The following TRABD2A variants were observed in gnomAD, a reference collection of about 807,000 sequenced individuals.
TRABD2A encodes the protein metalloprotease TIKI1.
Under a neutral mutation model 45.6 loss-of-function variants are expected in TRABD2A, and 43 were observed. The ratio of observed to expected loss-of-function variants is 0.94; its 90% CI spans 0.74 to 1.22. The LOEUF is 1.22. Ranked by LOEUF, TRABD2A falls within the 50% of genes most tolerant of loss-of-function variation. The pLI is 0.00. For missense variants in TRABD2A, 642 were observed against 652.4 expected (o/e 0.98, Z 0.17); for synonymous variants, 269 against 265.0 (o/e 1.02, Z -0.15).
intron 1 of TRABD2A, among the ~76,000 whole-genome samples, chr2:84,872,907 G>T (rs1682909374): frequency 6.6e-6 from 1 of 151,958 alleles, no homozygotes; most frequent in Non-Finnish European, 1.5e-5. Flanking sequence ...CTGAGCTCAG[G>T]AGTTCGCGAT....
At chr2:84,866,001 A>G (rs1409483188) in intron 2 of TRABD2A, among the ~76,000 whole-genome samples, 1 of 152,160 alleles carries the variant, frequency 6.6e-6, no homozygotes, top group African/African-American at 2.4e-5. Context: ...TTCGATACCG[A>G]GGGGCAAGGA....
Position 84,839,263 on chromosome 2 carries a change from CAATCTCCTGAGCAGTGATGCGCTCCTG to C in TRABD2A, c.850_876del (p.Gln284_Ile292del). Reference sequence around the variant, plus strand: ...ATCAGCTCCCGGCGTAAGTAGCTGTCAATCTCCTGAGCAGTGATGCGCTCCTGAGGTGGTAGCGTGGCATTAATAAAA... The same window carrying C: ...ATCAGCTCCCGGCGTAAGTAGCTGTCAGGTGGTAGCGTGGCATTAATAAAA... On this transcript the variant is annotated inframe_deletion, in exon 4 of 7. Coordinates refer to ENST00000409520, the MANE Select transcript of TRABD2A (RefSeq NM_001277053.2). The C allele has an allele frequency of 6.2e-7, 1 of 1,613,864 alleles. No homozygotes were observed. The highest frequency in any genetic ancestry group is 8.5e-7 in the Non-Finnish European group (1 of 1,179,870).
chr2:84,831,270 C>T (rs114517159), intron 5 of TRABD2A, among the ~76,000 whole-genome samples: 3,449 of 152,216 alleles, frequency 0.023, 65 homozygotes, highest in Non-Finnish European at 0.036. Context: ...CCAAGAGAAA[C>T]CAGTCCCGTT....
intron 4 of TRABD2A, chr2:84,836,161 C>T (rs1681500600): frequency 6.6e-6 from 1 of 152,174 alleles, no homozygotes; most frequent in South Asian, 2.1e-4. Flanking sequence ...GATAGAGATT[C>T]TGGAATTATC....
chr2:84,880,949 A>C lies in TRABD2A; in HGVS notation c.91T>G (p.Cys31Gly). The change falls in exon 1 of 7, where the codon TGC becomes GGC. Residue 31 changes from cysteine (C) to glycine (G), a missense_variant. Coordinates refer to ENST00000409520, the MANE Select transcript of TRABD2A (RefSeq NM_001277053.2). ...CGCCTTACTTGGGGCTTGAGCTCGC[A>C]GTTGGCGGTGCCGGGCGCCCCGCGC... ...SRRGAPGTAN[C>G]ELKPQQSELN... 6.3e-7 allele frequency: 1 copy of C among 1,597,078 alleles called. No homozygotes were observed. Among genetic ancestry groups the C allele is most frequent in the Non-Finnish European group, 8.5e-7 (1 of 1,172,662 alleles).
chr2:84,843,262 G>A (rs1681771318), intron 2 of TRABD2A, among the ~76,000 whole-genome samples: 2 of 152,080 alleles, frequency 1.3e-5, no homozygotes, highest in Admixed American at 6.5e-5. Context: ...CTGCAATACA[G>A]ACAGGCTTGG....
chr2:84,838,182 G>C (rs757020383), intron 4 of TRABD2A: 12 of 716,630 alleles, frequency 1.7e-5, no homozygotes, highest in Non-Finnish European at 3.1e-5. Context: ...TAACCATTAG[G>C]CAAACAGTTT....
At chr2:84,827,684 T>C (rs1681190460) in intron 5 of TRABD2A, among the ~76,000 whole-genome samples, 1 of 152,112 alleles carries the variant, frequency 6.6e-6, no homozygotes, top group Non-Finnish European at 1.5e-5. Context: ...TTAAGGACCT[T>C]AAGTTGAGGA....
At position 84,878,874 on chromosome 2, in the gene TRABD2A, C is replaced by A. The variant is rs1238560283; in HGVS notation, c.108+2058G>T. ...AGCATGTGTGCCGCTGATTGGCCTT[C>A]CCAATTCCGCAGGGGGTAAGACAGA... On this transcript the variant is annotated intron_variant, in intron 1 of 6. Transcript: ENST00000409520. Among the ~76,000 whole-genome samples, 6 of 152,334 alleles carry A rather than the reference C, an allele frequency of 3.9e-5. No individual in the cohort carries two copies. In the East Asian group the frequency reaches 1.2e-3, roughly 29 times the overall value.
intron 3 of TRABD2A, 31 bp from the exon 4 acceptor site, chr2:84,839,354 G>A: frequency 2.6e-6 from 4 of 1,556,002 alleles, no homozygotes; most frequent in Non-Finnish European, 3.5e-6. Context: ...AAAAAAATAA[G>A]GGGCAACAGA....
intron 1 of TRABD2A, among the ~76,000 whole-genome samples, chr2:84,880,343 G>A (rs533090755): frequency 5.3e-5 from 8 of 152,220 alleles, no homozygotes; most frequent in African/African-American, 1.7e-4. Context: ...GACACGCAAG[G>A]CTCGGACAGT....
intron 1 of TRABD2A, chr2:84,879,616 T>C (rs926172990): frequency 4.5e-5 from 44 of 985,140 alleles, no homozygotes; most frequent in Non-Finnish European, 5.2e-5. Context: ...CAGTCGGTAA[T>C]AGGTTTTGCA....
chr2:84,879,602 TTACCAGTCGG>T, intron 1 of TRABD2A: 2 of 985,370 alleles, frequency 2.0e-6, no homozygotes, highest in Non-Finnish European at 2.4e-6. Context: ...CTCGTCATAA[TTACCAGTCGG>T]TAATAGGTTT....
intron 1 of TRABD2A, among the ~76,000 whole-genome samples, chr2:84,879,192 T>C (rs1214525414): frequency 6.6e-6 from 1 of 151,842 alleles, no homozygotes. Context: ...CTTTTTTTTT[T>C]TTTTTTTTGG....
At chr2:84,846,273 G>A (rs1459936183) in intron 2 of TRABD2A, among the ~76,000 whole-genome samples, 2 of 152,162 alleles carry the variant, frequency 1.3e-5, no homozygotes. Context: ...ATGATTTCCT[G>A]TAATCACCAC....
At chr2:84,825,475 C>A (rs1388813179) in intron 5 of TRABD2A, among the ~76,000 whole-genome samples, 1 of 152,044 alleles carries the variant, frequency 6.6e-6, no homozygotes, top group Non-Finnish European at 1.5e-5. Context: ...GACTAAGGAC[C>A]CCAGAAACAT....
intron 2 of TRABD2A, among the ~76,000 whole-genome samples, chr2:84,852,395 C>T (rs986916981): frequency 6.6e-6 from 1 of 151,954 alleles, no homozygotes; most frequent in Non-Finnish European, 1.5e-5. Context: ...GCCAGAATGA[C>T]CATGGGGTTA....
intron 2 of TRABD2A, among the ~76,000 whole-genome samples, chr2:84,855,895 C>T (rs937920525): frequency 2.0e-5 from 3 of 152,102 alleles, no homozygotes; most frequent in Non-Finnish European, 4.4e-5. Flanking sequence ...ACAAAGGCCC[C>T]CCAGCGAGTC....
intron 2 of TRABD2A, among the ~76,000 whole-genome samples, chr2:84,856,641 A>G (rs1286318262): frequency 6.6e-6 from 1 of 152,194 alleles, no homozygotes; most frequent in African/African-American, 2.4e-5. Context: ...GAGGGCACAC[A>G]GCCTGGAAGA....
Sources: allele counts gnomAD v4.1 joint callset (sites outside exome capture counted in the v4.1 genomes callset), GRCh38; gene constraint gnomAD v4.1.1; transcripts MANE v1.5; gene names NCBI Gene and HGNC (gene_info 2026-07-23, HGNC 2026-07-21).